Variants in CHL1 observed in about 807,000 individuals in gnomAD.
CHL1 encodes cell adhesion molecule L1 like.
In CHL1, 96 loss-of-function variants were observed where a neutral mutation model predicts 141.9. That is an observed-to-expected ratio of 0.68 (90% CI 0.57 to 0.80). CHL1 has a LOEUF of 0.80. Ranked by LOEUF, CHL1 falls within the 30% of genes least tolerant of loss-of-function variation. The pLI, the probability that CHL1 is intolerant of heterozygous loss-of-function variation, is 0.00. For missense variants in CHL1, 1,820 were observed against 1,457.2 expected, an observed-to-expected ratio of 1.25 and a Z score of -4.05; for synonymous variants, 613 against 502.2, an observed-to-expected ratio of 1.22 and a Z score of -2.95.
chr3:319,959 T>C (rs1700431465), intron 3 of CHL1, 92 bp downstream of exon 3: 7 of 691,428 alleles, frequency 1.0e-5, no homozygotes, highest in Non-Finnish European at 1.7e-5. Context: ...GATGTGACTT[T>C]TCTACCATAT....
intron 1 of CHL1, chr3:213,454 T>A (rs748550460): frequency 6.6e-6 from 1 of 152,200 alleles, no homozygotes; most frequent in African/African-American, 2.4e-5. Context: ...AATTCCAAGA[T>A]GAAATAGATA....
intron 2 of CHL1, among the ~76,000 whole-genome samples, chr3:259,164 G>C (rs1226517935): frequency 2.0e-5 from 3 of 151,936 alleles, no homozygotes; most frequent in African/African-American, 7.3e-5. Flanking sequence ...CAAGTGATCT[G>C]CCCATTTCAG....
chr3:250,662 T>C (rs1395142738), intron 2 of CHL1, among the ~76,000 whole-genome samples: 2 of 152,108 alleles, frequency 1.3e-5, no homozygotes, highest in African/African-American at 2.4e-5. Flanking sequence ...CTGACTGCCT[T>C]CAGCTCAAAG....
intron 10 of CHL1, among the ~76,000 whole-genome samples, chr3:351,523 C>T (rs1703255264): frequency 2.0e-5 from 3 of 152,030 alleles, no homozygotes; most frequent in Admixed American, 2.0e-4. Flanking sequence ...CGTGTTTATT[C>T]AATTTTTTCT....
At chr3:364,442 T>C (rs1013067155) in intron 14 of CHL1, among the ~76,000 whole-genome samples, 1 of 152,268 alleles carries the variant, frequency 6.6e-6, no homozygotes, top group South Asian at 2.1e-4. Context: ...CTCAGCTAGG[T>C]GTAAGGAGCG....
intron 2 of CHL1, among the ~76,000 whole-genome samples, chr3:265,756 A>C (rs1456941433): frequency 1.3e-5 from 2 of 152,168 alleles, no homozygotes; most frequent in Non-Finnish European, 2.9e-5. Flanking sequence ...GTGGAATTTC[A>C]AGGTTTTTAA....
Position 262,628 on chromosome 3 carries a change from G to T in CHL1, c.-95+17936G>T, listed in dbSNP as rs546200218. Among the ~76,000 whole-genome samples, 152 of 152,304 alleles carry T rather than the reference G, an allele frequency of 1.0e-3. 1 individual carries two copies. The highest frequency in any genetic ancestry group is 3.4e-3 in the African/African-American group (142 of 41,552). On this transcript the variant is annotated intron_variant, in intron 2 of 27. Coordinates refer to ENST00000256509, the MANE Select transcript of CHL1 (RefSeq NM_006614.4). The stretch of plus-strand genomic sequence containing the variant: ...GCTAAGGGATGAGGTATCAGGAGAG[G>T]TATAAGACAACAGGGAGTGGTAAGG...
intron 2 of CHL1, among the ~76,000 whole-genome samples, chr3:281,683 C>A (rs1157187993): frequency 2.0e-5 from 3 of 151,930 alleles, no homozygotes; most frequent in African/African-American, 7.3e-5. Flanking sequence ...CCTCAGCCCC[C>A]CAAATAGCTG....
intron 16 of CHL1, among the ~76,000 whole-genome samples, chr3:378,799 A>G (rs1164646063): frequency 6.6e-6 from 1 of 152,144 alleles, no homozygotes; most frequent in African/African-American, 2.4e-5. Context: ...ATGAGGCTCT[A>G]GCAGCTGCAT....
intron 12 of CHL1, among the ~76,000 whole-genome samples, chr3:360,776 G>A (rs1401511938): frequency 3.2e-5 from 4 of 126,612 alleles, no homozygotes; most frequent in Non-Finnish European, 6.2e-5. Context: ...AGAGTGTGAT[G>A]TTCCCCTTCC....
intron 26 of CHL1, among the ~76,000 whole-genome samples, chr3:399,894 T>C (rs1559362189): frequency 6.6e-6 from 1 of 152,232 alleles, no homozygotes; most frequent in East Asian, 1.9e-4. Context: ...TAATCATTAC[T>C]AGGAATGCAT....
intron 2 of CHL1, among the ~76,000 whole-genome samples, chr3:256,564 G>T (rs1200107648): frequency 6.6e-6 from 1 of 152,146 alleles, no homozygotes; most frequent in African/African-American, 2.4e-5. Flanking sequence ...CTTGCACCTG[G>T]TCAGTAGAGG....
chr3:366,316 C>A (rs1704874774), intron 15 of CHL1, among the ~76,000 whole-genome samples: 1 of 151,786 alleles, frequency 6.6e-6, no homozygotes, highest in Non-Finnish European at 1.5e-5. Flanking sequence ...ACTAAAAATA[C>A]AAAAATTAGC....
intron 2 of CHL1, among the ~76,000 whole-genome samples, chr3:275,857 T>G (rs1039427259): frequency 1.3e-5 from 2 of 152,090 alleles, no homozygotes; most frequent in African/African-American, 4.8e-5. Flanking sequence ...ATTTAAATAT[T>G]ATTAGCAATC....
At chr3:281,115 C>G (rs1696611866) in intron 2 of CHL1, among the ~76,000 whole-genome samples, 1 of 152,242 alleles carries the variant, frequency 6.6e-6, no homozygotes, top group East Asian at 1.9e-4. Flanking sequence ...AGTGATTCTC[C>G]TAAATTCTCC....
chr3:230,060 A>C (rs1701724034), intron 1 of CHL1, among the ~76,000 whole-genome samples: 1 of 152,206 alleles, frequency 6.6e-6, no homozygotes, highest in African/African-American at 2.4e-5. Context: ...GTGGGTACTT[A>C]AAATGTGTCC....
intron 2 of CHL1, among the ~76,000 whole-genome samples, chr3:251,089 G>A (rs1693652235): frequency 6.6e-6 from 1 of 152,048 alleles, no homozygotes; most frequent in South Asian, 2.1e-4. Flanking sequence ...ATGGTGATTT[G>A]ACCTGTGGTG....
intron 5 of CHL1, among the ~76,000 whole-genome samples, chr3:338,925 G>T (rs1476535593): frequency 6.6e-6 from 1 of 152,142 alleles, no homozygotes; most frequent in East Asian, 1.9e-4. Flanking sequence ...TCAGGGAGCA[G>T]CTCTCCAATT....
chr3:277,548 AC>A (rs1476798204), intron 2 of CHL1, among the ~76,000 whole-genome samples: 2 of 152,242 alleles, frequency 1.3e-5, no homozygotes, highest in African/African-American at 4.8e-5. Context: ...TTTCAGAATG[AC>A]CAATTGCTTC....
Sources: allele counts gnomAD v4.1 joint callset (sites outside exome capture counted in the v4.1 genomes callset), GRCh38; gene constraint gnomAD v4.1.1; transcripts MANE v1.5; gene names NCBI Gene and HGNC (gene_info 2026-07-23, HGNC 2026-07-21).